Variants in STX8 observed in about 807,000 individuals in gnomAD.
STX8 encodes the protein syntaxin-8.
A neutral mutation model predicts 37.5 loss-of-function variants in STX8; 23 were observed. The ratio of observed to expected loss-of-function variants is 0.61; its 90% CI spans 0.44 to 0.87. The LOEUF (loss-of-function observed/expected upper bound fraction) is 0.87. Among genes scored for constraint, STX8 ranks in the 40% least tolerant of loss-of-function variants. STX8 has a pLI of 0.00. For synonymous variants in STX8, 115 were observed against 99.1 expected (o/e 1.16, Z -0.95); for missense variants, 313 against 284.7 (o/e 1.10, Z -0.71).
intron 6 of STX8, among the ~76,000 whole-genome samples, chr17:9,391,595 T>C (rs1287387205): frequency 6.6e-6 from 1 of 150,390 alleles, no homozygotes; most frequent in South Asian, 2.1e-4. Context: ...AAATGAAGGG[T>C]GACCAGATAT....
intron 7 of STX8, among the ~76,000 whole-genome samples, chr17:9,338,656 G>A (rs1910223006): frequency 6.6e-6 from 1 of 152,126 alleles, no homozygotes; most frequent in Non-Finnish European, 1.5e-5. Context: ...GCTTTTCAAA[G>A]AACAGTTTCC....
chr17:9,397,683 T>C (rs1351115343), intron 6 of STX8, among the ~76,000 whole-genome samples: 1 of 151,986 alleles, frequency 6.6e-6, no homozygotes, highest in Non-Finnish European at 1.5e-5. Context: ...TTGATAAAAA[T>C]ACATGATTGA....
chr17:9,352,935 AG>A (rs1452707763), intron 7 of STX8, among the ~76,000 whole-genome samples: 1 of 150,680 alleles, frequency 6.6e-6, no homozygotes, highest in Non-Finnish European at 1.5e-5. Context: ...TCTGTTGCCC[AG>A]GCAACAGTGC....
intron 2 of STX8, among the ~76,000 whole-genome samples, chr17:9,563,868 C>A (rs541665429): frequency 2.0e-5 from 3 of 152,126 alleles, no homozygotes; most frequent in Non-Finnish European, 2.9e-5. Context: ...CCGAATCCAG[C>A]AGCACATCAA....
intron 4 of STX8, among the ~76,000 whole-genome samples, chr17:9,518,359 C>T (rs1389392340): frequency 1.3e-5 from 2 of 152,076 alleles, no homozygotes; most frequent in Non-Finnish European, 1.5e-5. Context: ...CACAGCTAAG[C>T]TTATTATCCC....
At chr17:9,465,136 C>T (rs957479228) in intron 6 of STX8, among the ~76,000 whole-genome samples, 1 of 151,978 alleles carries the variant, frequency 6.6e-6, no homozygotes, top group African/African-American at 2.4e-5. Context: ...CTAATTTTCC[C>T]TCCTTTCTCA....
At chr17:9,551,555 T>A (rs1180186742) in intron 3 of STX8, among the ~76,000 whole-genome samples, 1 of 152,170 alleles carries the variant, frequency 6.6e-6, no homozygotes, top group Non-Finnish European at 1.5e-5. Flanking sequence ...ACTTCTAGCA[T>A]CCCATTCCAC....
At chr17:9,406,405 T>C (rs890353551) in intron 6 of STX8, among the ~76,000 whole-genome samples, 4 of 152,190 alleles carry the variant, frequency 2.6e-5, no homozygotes, top group African/African-American at 4.8e-5. Context: ...ATTAACATCA[T>C]AGAGCAGCAT....
chr17:9,537,398 T>C (rs1374710329), intron 4 of STX8, among the ~76,000 whole-genome samples: 1 of 152,194 alleles, frequency 6.6e-6, no homozygotes, highest in Non-Finnish European at 1.5e-5. Context: ...CTCATTCTTC[T>C]CCAGTCACAG....
chr17:9,498,125 C>T lies in STX8; in HGVS notation c.449-6204G>A, dbSNP rs4791846. Among the ~76,000 whole-genome samples, 1,084 of 143,182 alleles carry T rather than the reference C, an allele frequency of 7.6e-3. 5 individuals are homozygous for T. The highest frequency in any genetic ancestry group is 0.012 in the Non-Finnish European group (767 of 65,906). 93.9% of individuals were successfully genotyped at this position (143,182 alleles called of 152,430 possible). The stretch of plus-strand genomic sequence containing the variant: ...CAGGTCACCCAGGTGCAGTGGCTCA[C>T]GCCTGTAATCCTAGCACTTTGGGAG... On this transcript the variant is annotated intron_variant, in intron 5 of 7. Coordinates refer to ENST00000306357, the MANE Select transcript of STX8 (RefSeq NM_004853.3).
At chr17:9,497,978 T>A (rs1445532234) in intron 5 of STX8, among the ~76,000 whole-genome samples, 2 of 151,972 alleles carry the variant, frequency 1.3e-5, no homozygotes, top group African/African-American at 2.4e-5. Context: ...GTTTACACAG[T>A]CAAAAAAGTA....
At chr17:9,574,267 T>C (rs1907804311) in intron 1 of STX8, among the ~76,000 whole-genome samples, 1 of 145,438 alleles carries the variant, frequency 6.9e-6, no homozygotes. Context: ...AGAGCAAGAC[T>C]CCGTCTCAAA....
chr17:9,389,748 A>G (rs1210909587), intron 6 of STX8, among the ~76,000 whole-genome samples: 1 of 147,506 alleles, frequency 6.8e-6, no homozygotes, highest in Non-Finnish European at 1.5e-5. Flanking sequence ...TGTTCTTAAT[A>G]ATATTTGAAG....
chr17:9,436,034 TC>T (rs1904417946), intron 6 of STX8, among the ~76,000 whole-genome samples: 3 of 152,120 alleles, frequency 2.0e-5, no homozygotes, highest in Admixed American at 6.6e-5. Context: ...ATATAATCCA[TC>T]TAGCTAAATG....
At chr17:9,398,216 T>A (rs1912477629) in intron 6 of STX8, among the ~76,000 whole-genome samples, 2 of 152,172 alleles carry the variant, frequency 1.3e-5, no homozygotes, top group Admixed American at 1.3e-4. Flanking sequence ...GAACACCACC[T>A]TAGCCAGGTG....
intron 6 of STX8, among the ~76,000 whole-genome samples, chr17:9,434,512 G>C (rs1240692804): frequency 6.6e-6 from 1 of 152,236 alleles, no homozygotes; most frequent in Non-Finnish European, 1.5e-5. Context: ...ACAGGGTCTG[G>C]GATCAAAGCA....
chr17:9,302,984 T>C (rs1459113616), intron 7 of STX8, among the ~76,000 whole-genome samples: 2 of 129,036 alleles, frequency 1.5e-5, no homozygotes, highest in African/African-American at 6.8e-5. Flanking sequence ...AGATCTAATA[T>C]AGATTAAAAA....
intron 7 of STX8, among the ~76,000 whole-genome samples, chr17:9,348,660 G>A (rs924391247): frequency 5.3e-5 from 8 of 152,136 alleles, no homozygotes; most frequent in Non-Finnish European, 8.8e-5. Context: ...CACAGTCCCT[G>A]CACTCAGGAA....
intron 6 of STX8, among the ~76,000 whole-genome samples, chr17:9,478,103 GT>G (rs1185268729): frequency 6.6e-6 from 1 of 152,156 alleles, no homozygotes; most frequent in Non-Finnish European, 1.5e-5. Context: ...AACTCCCTTT[GT>G]TGCTTTCAAG....
Sources: gnomAD v4.1 joint callset for allele counts (sites outside exome capture counted in the v4.1 genomes callset) on GRCh38, gnomAD v4.1.1 for gene constraint, MANE v1.5 for transcripts, NCBI Gene and HGNC (gene_info 2026-07-23, HGNC 2026-07-21) for gene names.